Variants in RALYL observed in about 807,000 individuals in gnomAD.
RALYL encodes RNA-binding Raly-like protein.
Under a neutral mutation model 35.1 loss-of-function variants are expected in RALYL, and 29 were observed. That is an observed-to-expected ratio of 0.83 (90% CI 0.61 to 1.13). The LOEUF is 1.13. RALYL is among the 50% of genes most tolerant of loss of function. The pLI, the probability that RALYL is intolerant of heterozygous loss-of-function variation, is 0.00. For missense variants in RALYL, 359 were observed against 360.4 expected, an observed-to-expected ratio of 1.00 and a Z score of 0.03; for synonymous variants, 120 against 127.6, an observed-to-expected ratio of 0.94 and a Z score of 0.40.
At chr8:84,388,434 G>A (rs1421541276) in intron 1 of RALYL, among the ~76,000 whole-genome samples, 1 of 152,118 alleles carries the variant, frequency 6.6e-6, no homozygotes, top group African/African-American at 2.4e-5. Context: ...TTCCACAATG[G>A]TTGAACAGTT....
chr8:84,736,010 C>T (rs1847242900), intron 2 of RALYL, among the ~76,000 whole-genome samples: 1 of 152,026 alleles, frequency 6.6e-6, no homozygotes, highest in Non-Finnish European at 1.5e-5. Context: ...AAGATATTCT[C>T]CCAGAACTGC....
intron 1 of RALYL, among the ~76,000 whole-genome samples, chr8:84,241,386 A>G (rs565398735): frequency 1.3e-5 from 2 of 152,254 alleles, no homozygotes; most frequent in East Asian, 3.9e-4. Context: ...AGAGTAAAGC[A>G]CTGAAAAGCT....
chr8:84,487,297 C>T (rs921432712), intron 1 of RALYL, among the ~76,000 whole-genome samples: 3 of 151,932 alleles, frequency 2.0e-5, no homozygotes, highest in African/African-American at 2.4e-5. Flanking sequence ...GTCGCCTGCA[C>T]CCTGTTGGAC....
chr8:84,386,734 T>C (rs1859285600), intron 1 of RALYL, among the ~76,000 whole-genome samples: 1 of 151,864 alleles, frequency 6.6e-6, no homozygotes, highest in African/African-American at 2.4e-5. Flanking sequence ...ATCTTCAGGA[T>C]AAACTACCAA....
intron 1 of RALYL, among the ~76,000 whole-genome samples, chr8:84,252,264 T>G (rs1305991916): frequency 6.6e-6 from 1 of 152,142 alleles, no homozygotes; most frequent in East Asian, 1.9e-4. Context: ...TTACTATCAT[T>G]TATTTTATTT....
intron 1 of RALYL, among the ~76,000 whole-genome samples, chr8:84,322,039 A>G (rs900701331): frequency 2.6e-5 from 4 of 152,098 alleles, no homozygotes; most frequent in Non-Finnish European, 5.9e-5. Flanking sequence ...ACCTGATAGA[A>G]CTGAAAGGAG....
intron 8 of RALYL, among the ~76,000 whole-genome samples, chr8:84,920,684 G>GT (rs1849184014): frequency 6.6e-6 from 1 of 151,680 alleles, no homozygotes; most frequent in Non-Finnish European, 1.5e-5. Context: ...AAAAAAAATC[G>GT]TAACATTCCA....
At chr8:84,310,763 T>TTAATGTATAGTATAAATATGTGAAACATA (rs1554614651) in intron 1 of RALYL, among the ~76,000 whole-genome samples, 4 of 150,890 alleles carry the variant, frequency 2.7e-5, no homozygotes, top group Admixed American at 6.6e-5. Context: ...AAAATGTATA[T>TTAATGTATAGTATAAATATGTGAAACATA]TAGGCCGGGT....
At chr8:84,896,546 C>T (rs1295819046) in intron 8 of RALYL, among the ~76,000 whole-genome samples, 1 of 152,098 alleles carries the variant, frequency 6.6e-6, no homozygotes, top group South Asian at 2.1e-4. Context: ...TTACGTTGAT[C>T]TACAAAGTCT....
chr8:84,453,134 T>C (rs2049704785), intron 1 of RALYL, among the ~76,000 whole-genome samples: 1 of 151,980 alleles, frequency 6.6e-6, no homozygotes, highest in African/African-American at 2.4e-5. Flanking sequence ...CAAGTAGCAA[T>C]TTTAAACACA....
chr8:84,357,675 A>G (rs2131195143), intron 1 of RALYL, among the ~76,000 whole-genome samples: 1 of 150,474 alleles, frequency 6.6e-6, no homozygotes, highest in South Asian at 2.1e-4. Context: ...TTCCTTTTAA[A>G]TCATTGGCAT....
chr8:84,482,318 T>C (rs952682307), intron 1 of RALYL, among the ~76,000 whole-genome samples: 2 of 152,134 alleles, frequency 1.3e-5, no homozygotes, highest in African/African-American at 4.8e-5. Flanking sequence ...TGTTTAATCC[T>C]GATCTTTAGT....
chr8:84,526,971 C>G (rs1310876293), intron 1 of RALYL, among the ~76,000 whole-genome samples: 1 of 152,120 alleles, frequency 6.6e-6, no homozygotes, highest in Non-Finnish European at 1.5e-5. Context: ...GTCACTGTTA[C>G]TCCATCGTGG....
At chr8:84,426,438 C>CTCTGTGTGTGTG (rs1425109163) in intron 1 of RALYL, among the ~76,000 whole-genome samples, 2 of 135,996 alleles carry the variant, frequency 1.5e-5, no homozygotes, top group Non-Finnish European at 3.1e-5. Flanking sequence ...CTCTCTCTCT[C>CTCTGTGTGTGTG]TGTGTGTGTG....
Position 84,344,081 on chromosome 8 carries a change from C to A in RALYL, c.-24+159657C>A, listed in dbSNP as rs115152002. ...AATTATCATTTTTAGTGCAATCTTG[C>A]GCAACAGGAATTTCATTTTTTATAA... On this transcript the variant is annotated intron_variant, in intron 1 of 8. Coordinates refer to ENST00000521268, the MANE Select transcript of RALYL (RefSeq NM_173848.7). Among the ~76,000 whole-genome samples the A allele has an allele frequency of 4.6e-3, 699 of 151,858 alleles. 7 individuals carry two copies. Among genetic ancestry groups the A allele is most frequent in the African/African-American group, 0.015 (637 of 41,436 alleles).
At chr8:84,793,348 G>C (rs80112487) in intron 3 of RALYL, among the ~76,000 whole-genome samples, 2 of 152,142 alleles carry the variant, frequency 1.3e-5, no homozygotes, top group Admixed American at 6.5e-5. Flanking sequence ...TGAAACTCAG[G>C]GAAGAAGATG....
At position 84,570,292 on chromosome 8, in the gene RALYL, C is replaced by G. The variant is rs150805162; in HGVS notation, c.256+40715C>G. On this transcript the variant is annotated intron_variant, in intron 2 of 8. Transcript: ENST00000521268. ...TATTTTTAGTTCTCCTTGTATGAAT[C>G]TTTCACCTAGTTGGTTAAATGTATT... Among the ~76,000 whole-genome samples the G allele has an allele frequency of 9.2e-3, 1,394 of 151,306 alleles. 9 individuals are homozygous for G. Among genetic ancestry groups the G allele is most frequent in the Non-Finnish European group, 0.011 (763 of 67,750 alleles).
At chr8:84,463,881 A>G (rs1210026736) in intron 1 of RALYL, among the ~76,000 whole-genome samples, 4 of 151,740 alleles carry the variant, frequency 2.6e-5, no homozygotes, top group Non-Finnish European at 5.9e-5. Flanking sequence ...CACCCCATAT[A>G]TTTCCACTTG....
intron 2 of RALYL, among the ~76,000 whole-genome samples, chr8:84,642,853 C>T (rs1826674274): frequency 1.4e-5 from 2 of 147,302 alleles, no homozygotes; most frequent in African/African-American, 5.3e-5. Flanking sequence ...GTCAGTACCC[C>T]CCACCATCCT....
Sources: gnomAD v4.1 joint callset for allele counts (sites outside exome capture counted in the v4.1 genomes callset) on GRCh38, gnomAD v4.1.1 for gene constraint, MANE v1.5 for transcripts, NCBI Gene and HGNC (gene_info 2026-07-23, HGNC 2026-07-21) for gene names.